Variants in DR1 observed in about 807,000 individuals in gnomAD.
DR1 encodes protein Dr1.
Under a neutral mutation model 19.9 loss-of-function variants are expected in DR1, and 7 were observed. That is an observed-to-expected ratio of 0.35 (90% CI 0.20 to 0.66). The LOEUF is 0.66. Ranked by LOEUF, DR1 falls within the 30% of genes least tolerant of loss-of-function variation. The pLI, the probability that DR1 is intolerant of heterozygous loss-of-function variation, is 0.66. For missense variants in DR1, 98 were observed against 203.7 expected, an observed-to-expected ratio of 0.48 and a Z score of 3.16; for synonymous variants, 76 against 72.5, an observed-to-expected ratio of 1.05 and a Z score of -0.24.
chr1:93,347,477 G>A (rs528606426), intron 1 of DR1, among the ~76,000 whole-genome samples: 1 of 152,310 alleles, frequency 6.6e-6, no homozygotes, highest in South Asian at 2.1e-4. Flanking sequence ...TGTAAGAATA[G>A]GGTGAACTTT....
chr1:93,354,783 ATC>A (rs1237114308), intron 2 of DR1, among the ~76,000 whole-genome samples: 3 of 152,170 alleles, frequency 2.0e-5, no homozygotes, highest in Non-Finnish European at 4.4e-5. Context: ...CCTGTAGCTG[ATC>A]TCTCTGCAGC....
chr1:93,346,472 G>C lies in DR1; in HGVS notation c.-174G>C. 1.6e-6 allele frequency: 1 copy of C among 607,052 alleles called. No individual in the cohort carries two copies. The highest frequency in any genetic ancestry group is 2.9e-6 in the Non-Finnish European group (1 of 343,338). 37.6% of individuals were successfully genotyped at this position (607,052 alleles called of 1,614,324 possible). A position where few individuals can be genotyped will look rare whatever the true frequency, so the allele number is the denominator to read the frequency against. ...AACTCATCCTAAATCTCTCACACAC[G>C]CGAGTGTTCCCAGCCCTCAAGCCAG... On this transcript the variant is annotated 5_prime_UTR_variant, in exon 1 of 3. Coordinates refer to ENST00000370272, the MANE Select transcript of DR1 (RefSeq NM_001938.3).
At position 93,360,438 on chromosome 1, in the gene DR1, A is replaced by G. The variant is rs754110067; in HGVS notation, c.385-55A>G. The G allele has an allele frequency of 4.7e-6, 7 of 1,474,618 alleles. No individual in the cohort carries two copies. In the African/African-American group the frequency reaches 8.7e-5, roughly 18 times the overall value. 91.3% of individuals were successfully genotyped at this position (1,474,618 alleles called of 1,614,324 possible). On this transcript the variant is annotated intron_variant, in intron 2 of 2. Transcript: ENST00000370272. ...CCTAATCTACATTTAACCAAAGTGT[A>G]TATATTGTGGGTTTGTAAAAAATTG...
In DR1 at chr1:93,364,851, C is replaced by CTTTTTTTTTT. The variant is rs1185414953; in HGVS notation, c.*4223_*4232dup. Reference sequence around the variant, plus strand: ...TTTTCTTTTTTCTTTTCTTTTCTTTCTTTTTTTTTTTTTTTTTTTTGAGAC... The same window carrying CTTTTTTTTTT: ...TTTTCTTTTTTCTTTTCTTTTCTTTCTTTTTTTTTTTTTTTTTTTTTTTTTTTTTTGAGAC... On this transcript the variant is annotated 3_prime_UTR_variant, in exon 3 of 3. Coordinates refer to ENST00000370272, the MANE Select transcript of DR1 (RefSeq NM_001938.3). The CTTTTTTTTTT allele has an allele frequency of 1.3e-3, 132 of 100,666 alleles. No individual in the cohort carries two copies. Among genetic ancestry groups the CTTTTTTTTTT allele is most frequent in the African/African-American group, 2.3e-3 (49 of 21,124 alleles). 6.2% of individuals were successfully genotyped at this position (100,666 alleles called of 1,614,324 possible).
In DR1 at chr1:93,364,684, A is replaced by T. The variant is rs557025618; in HGVS notation, c.*4045A>T. On this transcript the variant is annotated 3_prime_UTR_variant, in exon 3 of 3. Coordinates refer to ENST00000370272, the MANE Select transcript of DR1 (RefSeq NM_001938.3). ...ATCGGCCAGGGTGAAGAGAATGATA[A>T]CATAAGTAGCCTCCTTTCACCTAAA... 8.5e-4 allele frequency: 129 copies of T among 152,260 alleles called. No homozygotes were observed. Among genetic ancestry groups the T allele is most frequent in the African/African-American group, 2.9e-3 (122 of 41,536 alleles). 9.4% of individuals were successfully genotyped at this position (152,260 alleles called of 1,614,324 possible). A position where few individuals can be genotyped will look rare whatever the true frequency, so the allele number is the denominator to read the frequency against.
chr1:93,365,938 C>G lies in DR1; in HGVS notation c.*5299C>G, dbSNP rs367980036. On this transcript the variant is annotated 3_prime_UTR_variant, in exon 3 of 3. Coordinates refer to ENST00000370272, the MANE Select transcript of DR1 (RefSeq NM_001938.3). ...TTTTATTGTGATTAAATATGCATAT[C>G]GTAAAATTCACCACTTTAACCAGTT... is the stretch of plus-strand genomic sequence containing the variant. The G allele has an allele frequency of 1.3e-5, 2 of 152,138 alleles. No individual in the cohort carries two copies. The highest frequency in any genetic ancestry group is 4.8e-5 in the African/African-American group (2 of 41,422). The allele number at this position is 152,138 out of a possible 1,614,324, so 9.4% of individuals were successfully genotyped here. A position where few individuals can be genotyped will look rare whatever the true frequency, so the allele number is the denominator to read the frequency against.
chr1:93,360,466 A>C, intron 2 of DR1, 27 bp from the exon 3 acceptor site: 2 of 1,520,778 alleles, frequency 1.3e-6, no homozygotes, highest in Non-Finnish European at 1.8e-6. Flanking sequence ...AAAAATTGTT[A>C]TTTTTTTTTA....
At chr1:93,353,201 T>C (rs1271807483) in intron 1 of DR1, among the ~76,000 whole-genome samples, 1 of 152,172 alleles carries the variant, frequency 6.6e-6, no homozygotes, top group Non-Finnish European at 1.5e-5. Context: ...AGCCCATTTT[T>C]TTTTCCTTAT....
At position 93,346,173 on chromosome 1, in the gene DR1, A is replaced by G. The variant is rs1570706746; in HGVS notation, c.-473A>G. 1 of 225,082 alleles carries G rather than the reference A, an allele frequency of 4.4e-6. No individual in the cohort carries two copies. 13.9% of individuals were successfully genotyped at this position (225,082 alleles called of 1,614,324 possible). ...GGATGGTTTGGCCGAGGCGGCGGCA[A>G]CGGCTGCTGGCGGCGGCGGCAGCGG... On this transcript the variant is annotated 5_prime_UTR_variant, in exon 1 of 3. Transcript: ENST00000370272.
rs1667203346 is a variant in DR1 at position 93,369,071 on chromosome 1, G to A, written c.*8432G>A. 1 of 152,038 alleles carries A rather than the reference G, an allele frequency of 6.6e-6. No individual in the cohort carries two copies. Among genetic ancestry groups the A allele is most frequent in the African/African-American group, 2.4e-5 (1 of 41,408 alleles). 9.4% of individuals were successfully genotyped at this position (152,038 alleles called of 1,614,324 possible). A position where few individuals can be genotyped will look rare whatever the true frequency, so the allele number is the denominator to read the frequency against. On this transcript the variant is annotated 3_prime_UTR_variant, in exon 3 of 3. Transcript: ENST00000370272. ...AGATATTATAATCTAGAGATGATTA[G>A]CATCCTTGGATTTTGGATTTTGGTA...
chr1:93,346,595 C>T lies in DR1; in HGVS notation c.-51C>T, dbSNP rs1415433065. On this transcript the variant is annotated 5_prime_UTR_variant, in exon 1 of 3. Transcript: ENST00000370272. The stretch of plus-strand genomic sequence containing the variant: ...TGAGAAATCTCGGTGGAGTAGTGGA[C>T]CAGAGCTGGGGAGTTTTTAAAAGCC... The T allele has an allele frequency of 6.7e-7, 1 of 1,496,790 alleles. No homozygotes were observed. The highest frequency in any genetic ancestry group is 9.3e-7 in the Non-Finnish European group (1 of 1,079,408). The allele number at this position is 1,496,790 out of a possible 1,614,324, so 92.7% of individuals were successfully genotyped here.
chr1:93,354,004 C>A lies in DR1; in HGVS notation c.317C>A (p.Ser106Tyr). ...GCATTAAAAAGAAGAAAGGCCAGTT[C>A]TCGTTTGGAAAACCTTGGCATTCCT... is the stretch of plus-strand genomic sequence containing the variant. ...TVALKRRKAS[S>Y]RLENLGIPEE... The change falls in exon 2 of 3, where the codon TCT becomes TAT. Residue 106 changes from serine to tyrosine, a missense_variant. Transcript: ENST00000370272. 1 of 1,613,784 alleles carries A rather than the reference C, an allele frequency of 6.2e-7. No individual in the cohort carries two copies. Among genetic ancestry groups the A allele is most frequent in the Non-Finnish European group, 8.5e-7 (1 of 1,179,828 alleles).
intron 1 of DR1, among the ~76,000 whole-genome samples, chr1:93,351,290 CTT>C (rs1290791651): frequency 6.6e-6 from 1 of 151,954 alleles, no homozygotes; most frequent in Non-Finnish European, 1.5e-5. Context: ...TATGGCAACT[CTT>C]TGAATAATAT....
intron 1 of DR1, among the ~76,000 whole-genome samples, chr1:93,348,008 T>C (rs1267169621): frequency 6.6e-6 from 1 of 152,154 alleles, no homozygotes; most frequent in African/African-American, 2.4e-5. Context: ...ACTTTCCTGT[T>C]GTACTGAAGT....
chr1:93,348,441 A>C (rs1352004810), intron 1 of DR1, among the ~76,000 whole-genome samples: 1 of 152,150 alleles, frequency 6.6e-6, no homozygotes, highest in African/African-American at 2.4e-5. Flanking sequence ...AAAAGATTTC[A>C]GCAGGGTCTG....
At chr1:93,350,996 C>T (rs2101635910) in intron 1 of DR1, among the ~76,000 whole-genome samples, 1 of 152,212 alleles carries the variant, frequency 6.6e-6, no homozygotes. Flanking sequence ...AAGAATGGCC[C>T]TCTAGTATGT....
At chr1:93,346,950 AT>A in intron 1 of DR1, 85 bp downstream of exon 1, 1 of 1,210,290 alleles carries the variant, frequency 8.3e-7, no homozygotes, top group South Asian at 1.4e-5. Context: ...CAAAGCCTCC[AT>A]TCCTCTTCCC....
intron 1 of DR1, among the ~76,000 whole-genome samples, chr1:93,352,194 C>T (rs1216718865): frequency 6.6e-6 from 1 of 152,150 alleles, no homozygotes. Flanking sequence ...CTCAGCCTCC[C>T]GTGTAGCTGG....
rs1667037630 is a variant in DR1, at chr1:93,360,414, C to T, written c.385-79C>T. Reference sequence around the variant, plus strand: ...TGATAATAAACTGTCTGAAATTGGCCTAATCTACATTTAACCAAAGTGTAT... The same window carrying T: ...TGATAATAAACTGTCTGAAATTGGCTTAATCTACATTTAACCAAAGTGTAT... On this transcript the variant is annotated intron_variant, in intron 2 of 2. Coordinates refer to ENST00000370272, the MANE Select transcript of DR1 (RefSeq NM_001938.3). 2.2e-6 allele frequency: 3 copies of T among 1,379,270 alleles called. No individual in the cohort carries two copies. The South Asian group carries it at 4.9e-5, about 23-fold the overall frequency. 85.4% of individuals were successfully genotyped at this position (1,379,270 alleles called of 1,614,324 possible).
Sources: gnomAD v4.1 joint callset for allele counts (sites outside exome capture counted in the v4.1 genomes callset) on GRCh38, gnomAD v4.1.1 for gene constraint, MANE v1.5 for transcripts, NCBI Gene and HGNC (gene_info 2026-07-23, HGNC 2026-07-21) for gene names.